The following CNTLN variants were observed in gnomAD, a reference collection of about 807,000 sequenced individuals.
CNTLN encodes the protein centlein.
Under a neutral mutation model 180.0 loss-of-function variants are expected in CNTLN, and 212 were observed. The observed-to-expected ratio is 1.18, with a 90% CI of 1.05 to 1.32. The LOEUF (loss-of-function observed/expected upper bound fraction) is 1.32, where lower values mean the gene tolerates loss of function less well. Ranked by LOEUF, CNTLN falls within the 40% of genes most tolerant of loss-of-function variation. CNTLN has a pLI of 0.00. For missense variants in CNTLN, 2,095 were observed against 1,610.9 expected (o/e 1.30, Z -5.14); for synonymous variants, 722 against 563.1 (o/e 1.28, Z -3.99).
intron 2 of CNTLN, among the ~76,000 whole-genome samples, chr9:17,177,883 G>A (rs966292537): frequency 4.6e-5 from 7 of 152,198 alleles, no homozygotes; most frequent in East Asian, 1.9e-4. Flanking sequence ...CTCAGGCAGC[G>A]GTGCTTTTAT....
At chr9:17,194,139 G>T (rs1821970351) in intron 2 of CNTLN, among the ~76,000 whole-genome samples, 1 of 151,914 alleles carries the variant, frequency 6.6e-6, no homozygotes, top group Non-Finnish European at 1.5e-5. Flanking sequence ...GGCCTGTGAT[G>T]GGAGGGGCTG....
chr9:17,256,883 T>C (rs1826534329), intron 5 of CNTLN, among the ~76,000 whole-genome samples: 1 of 151,898 alleles, frequency 6.6e-6, no homozygotes, highest in African/African-American at 2.4e-5. Flanking sequence ...GGCCTGGAAC[T>C]TCAGAATGAA....
chr9:17,276,957 A>G (rs544271917), intron 6 of CNTLN, among the ~76,000 whole-genome samples: 2 of 152,178 alleles, frequency 1.3e-5, no homozygotes, highest in East Asian at 3.9e-4. Flanking sequence ...ATATATAATG[A>G]TGTACATGTC....
At chr9:17,399,062 G>T (rs1156506247) in intron 15 of CNTLN, among the ~76,000 whole-genome samples, 2 of 152,098 alleles carry the variant, frequency 1.3e-5, no homozygotes, top group Non-Finnish European at 2.9e-5. Context: ...CCATATATTT[G>T]CCTTCCTACA....
chr9:17,474,678 G>A (rs998901424), intron 23 of CNTLN, among the ~76,000 whole-genome samples: 4 of 152,114 alleles, frequency 2.6e-5, no homozygotes, highest in African/African-American at 7.2e-5. Flanking sequence ...AGACCAGCCT[G>A]GCCAACATGG....
chr9:17,504,561 A>G (rs780875294), downstream of CNTLN, among the ~76,000 whole-genome samples: 28 of 152,306 alleles, frequency 1.8e-4, no homozygotes, highest in Middle Eastern at 3.4e-3. Context: ...TGCAAATATG[A>G]TTAAGTCAAG....
At position 17,502,573 on chromosome 9, in the gene CNTLN, T is replaced by A. The variant is rs776325700; in HGVS notation, c.4142T>A (p.Leu1381Gln). Residue 1381 changes from leucine to glutamine, a missense_variant, in exon 26 of 26, where the codon CTA becomes CAA. Coordinates refer to ENST00000380647, the MANE Select transcript of CNTLN (RefSeq NM_017738.4). The stretch of plus-strand genomic sequence containing the variant: ...CAGCTTCCTTTTGCCTCATATTTAC[T>A]AGAAGCAGTACTGGAAAAAATAAAT... ...EGQLPFASYL[L>Q]EAVLEKINEK... 2.1e-6 allele frequency: 3 copies of A among 1,403,974 alleles called. No individual in the cohort carries two copies. The highest frequency in any genetic ancestry group is 2.9e-6 in the Non-Finnish European group (3 of 1,027,698). 87.0% of individuals were successfully genotyped at this position (1,403,974 alleles called of 1,614,324 possible).
At chr9:17,197,038 C>T (rs1455627712) in intron 2 of CNTLN, among the ~76,000 whole-genome samples, 1 of 152,148 alleles carries the variant, frequency 6.6e-6, no homozygotes, top group Non-Finnish European at 1.5e-5. Flanking sequence ...TGCTCTCTGT[C>T]TCCATGAGTT....
At chr9:17,218,423 A>T (rs1044871532) in intron 2 of CNTLN, among the ~76,000 whole-genome samples, 1 of 151,948 alleles carries the variant, frequency 6.6e-6, no homozygotes, top group East Asian at 1.9e-4. Flanking sequence ...AAGTTTTATT[A>T]TTGTTATATT....
Position 17,348,453 on chromosome 9 carries a change from C to T in CNTLN, c.1886+6009C>T, listed in dbSNP as rs934013314. Among the ~76,000 whole-genome samples, 8 of 152,126 alleles carry T rather than the reference C, an allele frequency of 5.3e-5. No individual in the cohort carries two copies. The East Asian group carries it at 1.2e-3, about 22-fold the overall frequency. On this transcript the variant is annotated intron_variant, in intron 12 of 25. Coordinates refer to ENST00000380647, the MANE Select transcript of CNTLN (RefSeq NM_017738.4). ...CTCTTTTCCTCTGCTGACATTGCAT[C>T]GAGAGAGTTTGAAGGGGTTCCTGCT...
chr9:17,402,620 A>C (rs567966659), intron 15 of CNTLN, among the ~76,000 whole-genome samples: 1 of 151,966 alleles, frequency 6.6e-6, no homozygotes, highest in South Asian at 2.1e-4. Context: ...AACCTCATTT[A>C]GTCTGTTGAA....
chr9:17,368,760 A>G (rs560545306), intron 13 of CNTLN, among the ~76,000 whole-genome samples: 1 of 152,296 alleles, frequency 6.6e-6, no homozygotes, highest in East Asian at 1.9e-4. Flanking sequence ...CAGTAGTTCT[A>G]GAAGTCGGCA....
chr9:17,179,177 G>C (rs996776739), intron 2 of CNTLN, among the ~76,000 whole-genome samples: 4 of 142,416 alleles, frequency 2.8e-5, no homozygotes, highest in African/African-American at 5.5e-5. Flanking sequence ...CCGGGAGGCG[G>C]AGCTTGCAGT....
chr9:17,343,742 C>G (rs1370950818), intron 12 of CNTLN, among the ~76,000 whole-genome samples: 1 of 152,050 alleles, frequency 6.6e-6, no homozygotes, highest in East Asian at 1.9e-4. Flanking sequence ...CAGAGCTGCA[C>G]CGTCCATTAT....
chr9:17,449,996 A>G (rs1830690936), intron 18 of CNTLN, among the ~76,000 whole-genome samples: 2 of 152,248 alleles, frequency 1.3e-5, no homozygotes, highest in Non-Finnish European at 2.9e-5. Flanking sequence ...CAGTTACAAA[A>G]TATTTAATTG....
At chr9:17,474,738 A>G (rs1832239227) in intron 23 of CNTLN, among the ~76,000 whole-genome samples, 1 of 151,846 alleles carries the variant, frequency 6.6e-6, no homozygotes, top group Non-Finnish European at 1.5e-5. Flanking sequence ...CATGGTGGCA[A>G]GCGCCTGTAA....
intron 2 of CNTLN, among the ~76,000 whole-genome samples, chr9:17,199,700 G>C (rs1324169625): frequency 1.3e-5 from 2 of 151,822 alleles, no homozygotes; most frequent in African/African-American, 2.4e-5. Flanking sequence ...TTTTTTTCTT[G>C]TAAATCTGTT....
At chr9:17,373,432 C>T (rs1388280073) in intron 13 of CNTLN, among the ~76,000 whole-genome samples, 1 of 151,878 alleles carries the variant, frequency 6.6e-6, no homozygotes, top group African/African-American at 2.4e-5. Context: ...GAAGAATCTT[C>T]CTACAATAAA....
intron 6 of CNTLN, among the ~76,000 whole-genome samples, chr9:17,295,997 AGTGTGTGTGTGTGTGT>A (rs66515360): frequency 3.6e-4 from 33 of 91,340 alleles, no homozygotes; most frequent in African/African-American, 1.5e-3. Context: ...AGAGAGAGAG[AGTGTGTGTGTGTGTGT>A]GTGTGTGTGT....
Sources: allele counts gnomAD v4.1 joint callset (sites outside exome capture counted in the v4.1 genomes callset), GRCh38; gene constraint gnomAD v4.1.1; transcripts MANE v1.5; gene names NCBI Gene and HGNC (gene_info 2026-07-23, HGNC 2026-07-21).